The following PRRX1 variants were observed in gnomAD, a reference collection of about 807,000 sequenced individuals.
The protein encoded by PRRX1 is paired related homeobox 1.
Under a neutral mutation model 24.0 loss-of-function variants are expected in PRRX1, and 8 were observed. The observed-to-expected ratio is 0.33, with a 90% CI of 0.20 to 0.60. The LOEUF is 0.60. Ranked by LOEUF, PRRX1 falls within the 20% of genes least tolerant of loss-of-function variation. The pLI, the probability that PRRX1 is intolerant of heterozygous loss-of-function variation, is 0.82. For missense variants in PRRX1, 281 were observed against 322.4 expected, an observed-to-expected ratio of 0.87 and a Z score of 0.98; for synonymous variants, 160 against 131.7, an observed-to-expected ratio of 1.22 and a Z score of -1.47.
chr1:170,700,850 C>T (rs146352744), intron 1 of PRRX1, among the ~76,000 whole-genome samples: 33 of 152,298 alleles, frequency 2.2e-4, no homozygotes, highest in African/African-American at 5.3e-4. Context: ...TTTCCCACTA[C>T]GGCTTCATCT....
intron 1 of PRRX1, 78 bp downstream of exon 1, chr1:170,664,537 G>T (rs1420527124): frequency 3.3e-6 from 5 of 1,509,616 alleles, no homozygotes; most frequent in Non-Finnish European, 3.6e-6. Flanking sequence ...GCTAGAGCCC[G>T]TCCGCGGCCA....
At position 170,664,419 on chromosome 1, in the gene PRRX1, G is replaced by C; in HGVS notation, c.201G>C (p.Ser67=). The C allele has an allele frequency of 6.2e-7, 1 of 1,610,348 alleles. No individual in the cohort carries two copies. Among genetic ancestry groups the C allele is most frequent in the Non-Finnish European group, 8.5e-7 (1 of 1,178,820 alleles). The change falls in exon 1 of 4, where the codon TCG becomes TCC. Residue 67 remains serine (S), a synonymous_variant. Coordinates refer to ENST00000239461, the MANE Select transcript of PRRX1 (RefSeq NM_022716.4). Reference sequence around the variant, plus strand: ...AGGCTGGCCGGAGCCTGCTGGAGTCGCCGGGACTCACCAGCGGCAGCGACA... The same window carrying C: ...AGGCTGGCCGGAGCCTGCTGGAGTCCCCGGGACTCACCAGCGGCAGCGACA... ...VGEAGRSLLE[S]PGLTSGSDTP...
intron 3 of PRRX1, among the ~76,000 whole-genome samples, chr1:170,729,472 T>A (rs894624460): frequency 1.3e-5 from 2 of 152,186 alleles, no homozygotes; most frequent in African/African-American, 4.8e-5. Context: ...ATGGTCAGAA[T>A]TTTGGGTTGG....
At chr1:170,695,416 T>A (rs1654135600) in intron 1 of PRRX1, among the ~76,000 whole-genome samples, 1 of 152,210 alleles carries the variant, frequency 6.6e-6, no homozygotes. Flanking sequence ...TTTTCTCTTT[T>A]TACCAAAACC....
At chr1:170,690,257 T>C (rs1368144719) in intron 1 of PRRX1, among the ~76,000 whole-genome samples, 1 of 152,054 alleles carries the variant, frequency 6.6e-6, no homozygotes, top group African/African-American at 2.4e-5. Context: ...GATAGACATA[T>C]GAACCCTAAA....
chr1:170,730,384 G>T (rs1655399068), intron 3 of PRRX1: 2 of 1,548,654 alleles, frequency 1.3e-6, no homozygotes, highest in Non-Finnish European at 1.8e-6. Context: ...TGGCTGCTTG[G>T]GGTAGGGTTT....
intron 1 of PRRX1, among the ~76,000 whole-genome samples, chr1:170,671,886 T>C (rs1209809995): frequency 2.6e-5 from 4 of 152,136 alleles, no homozygotes; most frequent in Admixed American, 6.5e-5. Flanking sequence ...TTTCTGCATA[T>C]GTACTTGAGG....
chr1:170,692,116 G>A (rs970837244), intron 1 of PRRX1, among the ~76,000 whole-genome samples: 1 of 152,038 alleles, frequency 6.6e-6, no homozygotes, highest in Admixed American at 6.6e-5. Flanking sequence ...CCATGAGAGA[G>A]GAGCCAATTC....
At chr1:170,711,046 C>A (rs139170960) in intron 1 of PRRX1, among the ~76,000 whole-genome samples, 1 of 152,122 alleles carries the variant, frequency 6.6e-6, no homozygotes, top group African/African-American at 2.4e-5. Flanking sequence ...ATTTACACTT[C>A]GACTTTTCTT....
intron 3 of PRRX1, chr1:170,730,173 C>A: frequency 2.0e-6 from 2 of 976,142 alleles, no homozygotes; most frequent in Admixed American, 3.4e-5. Flanking sequence ...CCACAGCTTC[C>A]CTCCCCATCC....
chr1:170,673,765 T>A (rs61817378), intron 1 of PRRX1, among the ~76,000 whole-genome samples: 2 of 152,340 alleles, frequency 1.3e-5, no homozygotes, highest in Admixed American at 6.5e-5. Context: ...ACTTATGCAC[T>A]TCAGACTCAT....
chr1:170,736,356 T>A lies in PRRX1; in HGVS notation c.*170T>A. On this transcript the variant is annotated 3_prime_UTR_variant, in exon 4 of 4. Coordinates refer to ENST00000239461, the MANE Select transcript of PRRX1 (RefSeq NM_022716.4). ...AGAGAAAAGCAGGAGAGGAGCAAAA[T>A]GAAAATTAGTTAACAAATGTTCCTC... is the stretch of plus-strand genomic sequence containing the variant. 1.2e-6 allele frequency: 1 copy of A among 856,306 alleles called. No homozygotes were observed. The highest frequency in any genetic ancestry group is 1.8e-6 in the Non-Finnish European group (1 of 555,640). The allele number at this position is 856,306 out of a possible 1,614,324, so 53.0% of individuals were successfully genotyped here. A position where few individuals can be genotyped will look rare whatever the true frequency, so the allele number is the denominator to read the frequency against.
At chr1:170,696,178 T>TGGCA (rs1469318674) in intron 1 of PRRX1, among the ~76,000 whole-genome samples, 1 of 152,168 alleles carries the variant, frequency 6.6e-6, no homozygotes, top group Non-Finnish European at 1.5e-5. Context: ...CCGGGCCATA[T>TGGCA]GGCAGTAGGA....
intron 1 of PRRX1, among the ~76,000 whole-genome samples, chr1:170,685,806 T>G (rs190442064): frequency 3.8e-4 from 58 of 152,218 alleles, no homozygotes; most frequent in Admixed American, 3.3e-3. Flanking sequence ...AGAGGGTGGA[T>G]TTTTCATATC....
intron 1 of PRRX1, among the ~76,000 whole-genome samples, chr1:170,701,468 G>A (rs538386285): frequency 2.6e-5 from 4 of 152,158 alleles, no homozygotes; most frequent in South Asian, 2.1e-4. Flanking sequence ...ATAATCCTTG[G>A]GCATGAAATC....
In PRRX1 at chr1:170,738,482, A is replaced by T. The variant is rs1655695765; in HGVS notation, c.*2296A>T. On this transcript the variant is annotated 3_prime_UTR_variant, in exon 4 of 4. Coordinates refer to ENST00000239461, the MANE Select transcript of PRRX1 (RefSeq NM_022716.4). ...GTAGGCTTGCTGAACAGCACGCATT[A>T]CTTGCTTCCTGAAGAGTTCCCCCAT... The T allele has an allele frequency of 1.3e-5, 3 of 228,844 alleles. No individual in the cohort carries two copies. In the East Asian group the frequency reaches 1.9e-4, roughly 14 times the overall value. The allele number at this position is 228,844 out of a possible 1,614,324, so 14.2% of individuals were successfully genotyped here. A position where few individuals can be genotyped will look rare whatever the true frequency, so the allele number is the denominator to read the frequency against.
At chr1:170,717,692 A>G (rs1654951021) in intron 1 of PRRX1, among the ~76,000 whole-genome samples, 1 of 152,166 alleles carries the variant, frequency 6.6e-6, no homozygotes, top group African/African-American at 2.4e-5. Context: ...ACTTAGAAAG[A>G]CCTGAAGTAC....
At chr1:170,694,881 G>A (rs918079738) in intron 1 of PRRX1, among the ~76,000 whole-genome samples, 4 of 152,030 alleles carry the variant, frequency 2.6e-5, no homozygotes, top group African/African-American at 7.2e-5. Context: ...TTAAAATAAC[G>A]GTAGACTTAA....
At chr1:170,720,521 T>C (rs1289190635) in intron 2 of PRRX1, among the ~76,000 whole-genome samples, 1 of 152,182 alleles carries the variant, frequency 6.6e-6, no homozygotes, top group Admixed American at 6.5e-5. Context: ...ATTTATGTGA[T>C]ATACATTGTC....
Sources: allele counts gnomAD v4.1 joint callset (sites outside exome capture counted in the v4.1 genomes callset), GRCh38; gene constraint gnomAD v4.1.1; transcripts MANE v1.5; gene names NCBI Gene and HGNC (gene_info 2026-07-23, HGNC 2026-07-21).